The following NRXN3 variants were observed in gnomAD, a reference collection of about 807,000 sequenced individuals.
The protein encoded by NRXN3 is neurexin III.
NRXN3 carries 32 observed loss-of-function variants against 137.6 expected under a neutral mutation model. The observed-to-expected ratio is 0.23, with a 90% CI of 0.18 to 0.31. The LOEUF (loss-of-function observed/expected upper bound fraction) is 0.31, where lower values mean the gene tolerates loss of function less well. Ranked by LOEUF, NRXN3 falls within the 10% of genes least tolerant of loss-of-function variation. The pLI is 1.00. For missense variants in NRXN3, 1,574 were observed against 2,062.5 expected (o/e 0.76, Z 4.59); for synonymous variants, 798 against 784.5 (o/e 1.02, Z -0.29).
chr14:78,445,188 G>A (rs747745790), intron 4 of NRXN3, among the ~76,000 whole-genome samples: 1 of 152,180 alleles, frequency 6.6e-6, no homozygotes, highest in Non-Finnish European at 1.5e-5. Context: ...GGGAAGCTGA[G>A]GAGGCTGAGG....
At chr14:79,524,778 G>A (rs2097102908) in intron 16 of NRXN3, among the ~76,000 whole-genome samples, 1 of 152,174 alleles carries the variant, frequency 6.6e-6, no homozygotes, top group Non-Finnish European at 1.5e-5. Flanking sequence ...CCTTCAAAAT[G>A]AAGACCCAAA....
chr14:78,884,663 T>C (rs781525175), intron 10 of NRXN3, among the ~76,000 whole-genome samples: 1 of 152,166 alleles, frequency 6.6e-6, no homozygotes, highest in Non-Finnish European at 1.5e-5. Context: ...CCTGCATTAT[T>C]CTAAACCAAA....
chr14:79,165,967 A>G (rs1047821330), intron 15 of NRXN3, among the ~76,000 whole-genome samples: 3 of 152,014 alleles, frequency 2.0e-5, no homozygotes, highest in Non-Finnish European at 2.9e-5. Context: ...AAAATGATTT[A>G]CAAATGGCCA....
intron 15 of NRXN3, among the ~76,000 whole-genome samples, chr14:79,038,555 C>A (rs964588369): frequency 1.3e-5 from 2 of 152,078 alleles, no homozygotes; most frequent in Non-Finnish European, 2.9e-5. Flanking sequence ...AAAATTGCTT[C>A]CAAATTTCTG....
chr14:79,300,790 A>G (rs1459270401), intron 15 of NRXN3, among the ~76,000 whole-genome samples: 2 of 152,102 alleles, frequency 1.3e-5, no homozygotes, highest in Admixed American at 6.6e-5. Flanking sequence ...GCAACATCAT[A>G]CTACAAAAGG....
At chr14:78,998,248 A>G (rs548033597) in intron 15 of NRXN3, among the ~76,000 whole-genome samples, 9 of 152,264 alleles carry the variant, frequency 5.9e-5, no homozygotes, top group Admixed American at 5.9e-4. Flanking sequence ...ATGCCAACCT[A>G]TTCTTTTTTA....
intron 4 of NRXN3, among the ~76,000 whole-genome samples, chr14:78,377,755 T>C (rs1315287984): frequency 6.6e-6 from 1 of 152,198 alleles, no homozygotes; most frequent in East Asian, 1.9e-4. Context: ...CTTTATAAGG[T>C]CACCAGTCTT....
At chr14:79,362,107 G>T (rs978789195) in intron 15 of NRXN3, among the ~76,000 whole-genome samples, 1 of 149,200 alleles carries the variant, frequency 6.7e-6, no homozygotes, top group Non-Finnish European at 1.5e-5. Flanking sequence ...TTACAGGCGC[G>T]GGCCACCATG....
intron 8 of NRXN3, among the ~76,000 whole-genome samples, chr14:78,761,464 T>C (rs1224907042): frequency 6.6e-6 from 1 of 152,178 alleles, no homozygotes. Flanking sequence ...GATTTTGCAG[T>C]AAATCAATCC....
chr14:78,495,654 G>A (rs963486099), intron 4 of NRXN3, among the ~76,000 whole-genome samples: 15 of 152,118 alleles, frequency 9.9e-5, no homozygotes, highest in African/African-American at 3.6e-4. Context: ...TTATATTAGG[G>A]ACCAGGAATA....
chr14:78,347,199 TG>T (rs2082862161), intron 4 of NRXN3, among the ~76,000 whole-genome samples: 1 of 152,200 alleles, frequency 6.6e-6, no homozygotes, highest in Non-Finnish European at 1.5e-5. Context: ...TAGCAGGCAA[TG>T]TTTTATGGGG....
chr14:78,543,098 T>G (rs535616088), intron 4 of NRXN3, among the ~76,000 whole-genome samples: 4 of 152,194 alleles, frequency 2.6e-5, no homozygotes, highest in Non-Finnish European at 1.5e-5. Flanking sequence ...TTTATAGTGT[T>G]GGTTTAATTA....
chr14:78,437,698 AC>A, intron 4 of NRXN3, among the ~76,000 whole-genome samples: 1 of 152,318 alleles, frequency 6.6e-6, no homozygotes, highest in Non-Finnish European at 1.5e-5. Flanking sequence ...GAGAACTGGT[AC>A]TAAAATGCTT....
chr14:78,495,378 G>A (rs1314979475), intron 4 of NRXN3, among the ~76,000 whole-genome samples: 2 of 151,944 alleles, frequency 1.3e-5, no homozygotes, highest in African/African-American at 2.4e-5. Flanking sequence ...ATGACTTCTT[G>A]TTTTTCAAAA....
chr14:78,334,092 A>G (rs989468654), intron 4 of NRXN3, among the ~76,000 whole-genome samples: 2 of 152,220 alleles, frequency 1.3e-5, no homozygotes, highest in Admixed American at 6.5e-5. Context: ...ATTGCCTTTC[A>G]GCAAGATGGG....
intron 19 of NRXN3, among the ~76,000 whole-genome samples, chr14:79,775,542 G>A (rs554644212): frequency 3.3e-4 from 48 of 147,004 alleles, no homozygotes; most frequent in East Asian, 2.4e-3. Flanking sequence ...CTAGAGGATT[G>A]GGCTCTAACC....
At chr14:78,574,595 C>T (rs560518982) in intron 4 of NRXN3, among the ~76,000 whole-genome samples, 2 of 152,258 alleles carry the variant, frequency 1.3e-5, no homozygotes, top group East Asian at 3.9e-4. Context: ...ACCTGTAGCC[C>T]CTTCGTTTTG....
At chr14:79,264,374 C>G (rs1222063956) in intron 15 of NRXN3, among the ~76,000 whole-genome samples, 1 of 152,194 alleles carries the variant, frequency 6.6e-6, no homozygotes, top group Non-Finnish European at 1.5e-5. Flanking sequence ...TAGGCATGAG[C>G]CATCATGTCC....
intron 15 of NRXN3, among the ~76,000 whole-genome samples, chr14:79,052,612 A>G (rs956576788): frequency 1.3e-5 from 2 of 152,246 alleles, no homozygotes; most frequent in Admixed American, 6.5e-5. Flanking sequence ...TCTCACTGCC[A>G]AATGGCGTGG....
Sources: gnomAD v4.1 joint callset for allele counts (sites outside exome capture counted in the v4.1 genomes callset) on GRCh38, gnomAD v4.1.1 for gene constraint, MANE v1.5 for transcripts, NCBI Gene and HGNC (gene_info 2026-07-23, HGNC 2026-07-21) for gene names.